The following LRTM3 variants were observed in gnomAD, a reference collection of about 807,000 sequenced individuals.
The protein encoded by LRTM3 is leucine rich repeat transmembrane protein 3, also known as leucine-rich repeat transmembrane protein 3.
the LRTM3 span, chr13:102,737,148 G>T: frequency 6.4e-7 from 1 of 1,550,996 alleles, no homozygotes; most frequent in Non-Finnish European, 8.7e-7. Flanking sequence ...GTGCCTTCAG[G>T]TTGCATTATA....
At chr13:102,755,942 C>T in the LRTM3 span, among the ~76,000 whole-genome samples, 170 of 52,680 alleles carry the variant, frequency 3.2e-3, 2 homozygotes, top group African/African-American at 8.7e-3. Context: ...TATATATATA[C>T]ATATATATAT....
chr13:102,749,671 C>T, the LRTM3 span: 1 of 1,551,418 alleles, frequency 6.4e-7, no homozygotes, highest in Non-Finnish European at 8.7e-7. Flanking sequence ...CATCTTCAGG[C>T]TGGGCAAAGT....
At chr13:102,733,992 TG>T in the LRTM3 span, 1 of 1,551,442 alleles carries the variant, frequency 6.4e-7, no homozygotes, top group Non-Finnish European at 8.7e-7. Flanking sequence ...TTGTCTGTTT[TG>T]TTCCCTGAAT....
chr13:102,738,476 T>A, the LRTM3 span: 185 of 1,550,734 alleles, frequency 1.2e-4, 1 homozygote, highest in South Asian at 3.7e-4. Context: ...TTTAATATGT[T>A]CTATCCTTTT....
the LRTM3 span, chr13:102,734,497 T>G: frequency 6.4e-7 from 1 of 1,551,362 alleles, no homozygotes; most frequent in Non-Finnish European, 8.7e-7. Flanking sequence ...TCACATGCAG[T>G]TCTGTTCTGT....
the LRTM3 span, chr13:102,746,879 C>T: frequency 1.2e-5 from 18 of 1,551,290 alleles, no homozygotes; most frequent in Non-Finnish European, 1.6e-5. Flanking sequence ...AGTGCATTTG[C>T]AGTCTGTTTG....
chr13:102,743,352 G>A, the LRTM3 span: 3 of 1,550,456 alleles, frequency 1.9e-6, no homozygotes, highest in Non-Finnish European at 2.6e-6. Context: ...GAGGAATCTG[G>A]AGTGAAGGAA....
At chr13:102,748,872 A>C in the LRTM3 span, 2 of 1,549,628 alleles carry the variant, frequency 1.3e-6, no homozygotes, top group Non-Finnish European at 8.7e-7. Context: ...TCTTTGTCAT[A>C]CTCCTTTTCC....
At chr13:102,734,982 C>A in the LRTM3 span, 2 of 1,551,150 alleles carry the variant, frequency 1.3e-6, no homozygotes, top group Non-Finnish European at 1.7e-6. Flanking sequence ...TCTGGTGATA[C>A]CTGGAGTTTT....
At chr13:102,739,301 A>G in the LRTM3 span, 3 of 1,549,370 alleles carry the variant, frequency 1.9e-6, no homozygotes, top group Non-Finnish European at 2.6e-6. Flanking sequence ...CACATCTACT[A>G]TATTTTCTCT....
At chr13:102,730,708 A>G in the LRTM3 span, 3 of 1,551,946 alleles carry the variant, frequency 1.9e-6, no homozygotes, top group Non-Finnish European at 2.6e-6. Flanking sequence ...TGGAAAGACT[A>G]CCACTTTGTC....
chr13:102,742,032 T>A, the LRTM3 span: 1 of 1,550,472 alleles, frequency 6.4e-7, no homozygotes, highest in Non-Finnish European at 8.7e-7. Context: ...TTTAGTGGTT[T>A]CTCCAGCTTT....
At chr13:102,734,208 G>T in the LRTM3 span, 1 of 1,551,330 alleles carries the variant, frequency 6.4e-7, no homozygotes. Flanking sequence ...TTCACTTCAT[G>T]CCTGTTTTCT....
chr13:102,734,890 G>T, the LRTM3 span: 3 of 1,551,024 alleles, frequency 1.9e-6, no homozygotes, highest in Admixed American at 2.0e-5. Flanking sequence ...CCTCTTCCTT[G>T]TTCTGTGACA....
chr13:102,756,951 A>G, the LRTM3 span, among the ~76,000 whole-genome samples: 1 of 152,110 alleles, frequency 6.6e-6, no homozygotes, highest in Non-Finnish European at 1.5e-5. Context: ...AAATCTTTAA[A>G]GTGTCCTTGA....
chr13:102,735,645 T>C, the LRTM3 span: 1 of 1,551,310 alleles, frequency 6.4e-7, no homozygotes, highest in Non-Finnish European at 8.7e-7. Flanking sequence ...ATATCTATTC[T>C]GAGTCCACCT....
the LRTM3 span, chr13:102,747,297 C>T: frequency 4.5e-6 from 7 of 1,549,196 alleles, no homozygotes; most frequent in Non-Finnish European, 6.1e-6. Flanking sequence ...AGCATACCTG[C>T]TGCAATTTTA....
chr13:102,733,989 T>C, the LRTM3 span: 1 of 1,551,396 alleles, frequency 6.4e-7, no homozygotes, highest in Non-Finnish European at 8.7e-7. Flanking sequence ...TCTTTGTCTG[T>C]TTTGTTCCCT....
At chr13:102,748,004 C>A in the LRTM3 span, 2 of 1,550,902 alleles carry the variant, frequency 1.3e-6, no homozygotes, top group African/African-American at 2.7e-5. Flanking sequence ...AAATGTACAG[C>A]TCTTATCAAT....
Sources: allele counts gnomAD v4.1 joint callset (sites outside exome capture counted in the v4.1 genomes callset), GRCh38; gene constraint gnomAD v4.1.1; transcripts MANE v1.5; gene names NCBI Gene and HGNC (gene_info 2026-07-23, HGNC 2026-07-21).